MTUS1: variants seen among roughly 807,000 people sequenced by gnomAD.
MTUS1 encodes microtubule associated scaffold protein 1, also known as microtubule-associated tumor suppressor 1.
In MTUS1, 109 loss-of-function variants were observed where a neutral mutation model predicts 120.8. That is an observed-to-expected ratio of 0.90 (90% CI 0.77 to 1.06). The LOEUF (loss-of-function observed/expected upper bound fraction) is 1.06. Among genes scored for constraint, MTUS1 ranks in the 50% least tolerant of loss-of-function variants. The pLI, the probability that MTUS1 is intolerant of heterozygous loss-of-function variation, is 0.00. For missense variants in MTUS1, 2,210 were observed against 1,486.3 expected (o/e 1.49, Z -8.01); for synonymous variants, 737 against 550.5 (o/e 1.34, Z -4.74).
intron 6 of MTUS1, chr8:17,697,361 T>A: frequency 6.2e-7 from 1 of 1,614,008 alleles, no homozygotes; most frequent in Non-Finnish European, 8.5e-7. Context: ...TAAGGAGAAT[T>A]TGGGAGACAA....
Position 17,650,056 on chromosome 8 carries a change from A to G in MTUS1, c.3385-94T>C. 3 of 767,668 alleles carry G rather than the reference A, an allele frequency of 3.9e-6. No homozygotes were observed. In the East Asian group the frequency reaches 7.4e-5, roughly 19 times the overall value. 47.6% of individuals were successfully genotyped at this position (767,668 alleles called of 1,614,324 possible). ...GATTAGATTGAGACATTAGACAAGT[A>G]GCAAGCGACAGATGTTCATCATCTT... On this transcript the variant is annotated intron_variant, in intron 12 of 14. Coordinates refer to ENST00000693296, the MANE Select transcript of MTUS1 (RefSeq NM_001363059.2).
intron 1 of MTUS1, among the ~76,000 whole-genome samples, chr8:17,771,120 A>G (rs983200849): frequency 3.0e-4 from 46 of 152,204 alleles, no homozygotes; most frequent in African/African-American, 1.1e-3. Context: ...ACCTATACCA[A>G]TAAGTTCTTA....
intron 2 of MTUS1, among the ~76,000 whole-genome samples, chr8:17,744,639 T>A (rs570593216): frequency 7.6e-5 from 11 of 144,416 alleles, no homozygotes; most frequent in East Asian, 2.0e-4. Flanking sequence ...AGTTTTGTAT[T>A]TTTTTTTTGG....
chr8:17,754,671 C>G lies in MTUS1; in HGVS notation c.1137G>C (p.Met379Ile). 6.2e-7 allele frequency: 1 copy of G among 1,614,158 alleles called. No individual in the cohort carries two copies. The highest frequency in any genetic ancestry group is 8.5e-7 in the Non-Finnish European group (1 of 1,180,016). ...TTCCCAAATCCTTTCCTTTGGAGAC[C>G]ATTTGTGTGTCTTCAGTCTCAGTGA... is the stretch of plus-strand genomic sequence containing the variant. ...HKVTETEDTQMVSKGKDLGTQ... is the reference protein window; with the variant it reads ...HKVTETEDTQIVSKGKDLGTQ... Residue 379 changes from methionine (M) to isoleucine (I), a missense_variant, in exon 2 of 15, where the codon ATG (methionine) becomes ATC (isoleucine). Physicochemically the swap from Met to Ile is conservative, Grantham distance 10. Coordinates refer to ENST00000693296, the MANE Select transcript of MTUS1 (RefSeq NM_001363059.2).
chr8:17,754,027 G>C lies in MTUS1; in HGVS notation c.1781C>G (p.Ser594Cys), dbSNP rs754023388. Residue 594 changes from serine (S) to cysteine (C), a missense_variant, in exon 2 of 15, where the codon TCT becomes TGT. Ser to Cys is a moderately radical substitution (Grantham distance 112). Coordinates refer to ENST00000693296, the MANE Select transcript of MTUS1 (RefSeq NM_001363059.2). ...TGGAACCCTGTGTGAAGCATTTTTAGAATGAGTTGTAACATGCACAGCCTG... is the reference window on the plus strand; with the variant it reads ...TGGAACCCTGTGTGAAGCATTTTTACAATGAGTTGTAACATGCACAGCCTG... The part of the protein sequence containing the change: ...TSQAVHVTTH[S>C]KNASHRVPRT... 2 of 1,614,162 alleles carry C rather than the reference G, an allele frequency of 1.2e-6. No homozygotes were observed. Among genetic ancestry groups the C allele is most frequent in the Non-Finnish European group, 8.5e-7 (1 of 1,180,036 alleles).
At chr8:17,648,682 T>C (rs771471654) in intron 13 of MTUS1, among the ~76,000 whole-genome samples, 4 of 152,216 alleles carry the variant, frequency 2.6e-5, no homozygotes, top group South Asian at 2.1e-4. Flanking sequence ...ACAGAAGTCA[T>C]AGTCTCCAGA....
intron 1 of MTUS1, among the ~76,000 whole-genome samples, chr8:17,773,143 A>G (rs2050139121): frequency 6.6e-6 from 1 of 152,242 alleles, no homozygotes; most frequent in African/African-American, 2.4e-5. Context: ...CAAGAGGAAA[A>G]AAGATATACA....
At chr8:17,762,009 G>C (rs2049076416) in intron 1 of MTUS1, among the ~76,000 whole-genome samples, 1 of 152,200 alleles carries the variant, frequency 6.6e-6, no homozygotes, top group South Asian at 2.1e-4. Context: ...GCCTGGTGCA[G>C]TGGCTCAGGC....
Position 17,754,693 on chromosome 8 carries a change from G to C in MTUS1, c.1115C>G (p.Thr372Ser). Residue 372 changes from threonine (T) to serine (S), a missense_variant, in exon 2 of 15, where the codon ACT becomes AGT. Thr to Ser is a moderately conservative substitution (Grantham distance 58). Transcript: ENST00000693296. ...AQVLNPEHKV[T>S]ETEDTQMVSK... ...GACCATTTGTGTGTCTTCAGTCTCA[G>C]TGACTTTATGCTCTGGGTTCAGCAC... 1 of 1,614,158 alleles carries C rather than the reference G, an allele frequency of 6.2e-7. No homozygotes were observed. The highest frequency in any genetic ancestry group is 2.2e-5 in the East Asian group (1 of 44,872).
chr8:17,719,798 AC>A (rs1823054244), intron 4 of MTUS1, among the ~76,000 whole-genome samples: 3 of 152,196 alleles, frequency 2.0e-5, no homozygotes, highest in Non-Finnish European at 4.4e-5. Flanking sequence ...AAGAAAAAAA[AC>A]AAAAAACAAA....
At chr8:17,666,935 G>C (rs1328493912) in intron 8 of MTUS1, among the ~76,000 whole-genome samples, 1 of 152,178 alleles carries the variant, frequency 6.6e-6, no homozygotes, top group African/African-American at 2.4e-5. Context: ...GAAGCAATGG[G>C]CATGAGAACT....
intron 6 of MTUS1, among the ~76,000 whole-genome samples, chr8:17,696,954 A>G (rs1818094230): frequency 6.6e-6 from 1 of 152,226 alleles, no homozygotes; most frequent in South Asian, 2.1e-4. Context: ...GAACTAAAAT[A>G]TAATTTAACA....
chr8:17,791,980 G>C (rs1025692312), intron 1 of MTUS1, among the ~76,000 whole-genome samples: 10 of 152,078 alleles, frequency 6.6e-5, no homozygotes, highest in African/African-American at 2.4e-4. Context: ...GAGCCAACTG[G>C]GGAGCAAAGG....
chr8:17,668,298 T>G (rs552182303), intron 8 of MTUS1, among the ~76,000 whole-genome samples: 1 of 152,288 alleles, frequency 6.6e-6, no homozygotes, highest in Admixed American at 6.5e-5. Flanking sequence ...TCTTCCAACG[T>G]GGCCCGGGGA....
intron 1 of MTUS1, among the ~76,000 whole-genome samples, chr8:17,796,344 C>T (rs2052234404): frequency 6.6e-6 from 1 of 152,278 alleles, no homozygotes; most frequent in African/African-American, 2.4e-5. Flanking sequence ...CAATATACAG[C>T]TTGAAGTCTA....
At chr8:17,736,123 C>T (rs905733282) in intron 3 of MTUS1, among the ~76,000 whole-genome samples, 31 of 152,214 alleles carry the variant, frequency 2.0e-4, no homozygotes, top group Admixed American at 6.5e-5. Flanking sequence ...AATGAATGGG[C>T]AAGCCTGCAC....
At chr8:17,668,039 T>C (rs1485556466) in intron 8 of MTUS1, among the ~76,000 whole-genome samples, 1 of 152,182 alleles carries the variant, frequency 6.6e-6, no homozygotes, top group Non-Finnish European at 1.5e-5. Flanking sequence ...GACTAATGTA[T>C]AAAAAGATGA....
At chr8:17,749,710 C>T (rs1276094108) in intron 2 of MTUS1, among the ~76,000 whole-genome samples, 2 of 151,804 alleles carry the variant, frequency 1.3e-5, no homozygotes. Flanking sequence ...TTTAAATCTG[C>T]CTGTGACCTG....
intron 4 of MTUS1, chr8:17,716,501 T>G (rs992065845): frequency 2.0e-5 from 3 of 152,602 alleles, no homozygotes; most frequent in African/African-American, 2.4e-5. Flanking sequence ...CTTTTTATAT[T>G]ATGTGTAAAA....
Sources: allele counts gnomAD v4.1 joint callset (sites outside exome capture counted in the v4.1 genomes callset), GRCh38; gene constraint gnomAD v4.1.1; transcripts MANE v1.5; gene names NCBI Gene and HGNC (gene_info 2026-07-23, HGNC 2026-07-21).